Variants in TMEM181 observed in about 807,000 individuals in gnomAD.
The protein encoded by TMEM181 is transmembrane protein 181.
In TMEM181, 39 loss-of-function variants were observed where a neutral mutation model predicts 71.9. The ratio of observed to expected loss-of-function variants is 0.54; its 90% confidence interval spans 0.42 to 0.71. The LOEUF (loss-of-function observed/expected upper bound fraction) is 0.71. Among genes scored for constraint, TMEM181 ranks in the 30% least tolerant of loss-of-function variants. The probability of loss-of-function intolerance (pLI) is 0.00; values close to 1 mark genes in which losing one functional copy is unlikely to be tolerated. For missense variants in TMEM181, 595 were observed against 583.0 expected (o/e 1.02, Z -0.21); for synonymous variants, 245 against 228.8 (o/e 1.07, Z -0.64).
intron 1 of TMEM181, among the ~76,000 whole-genome samples, chr6:158,541,734 C>G (rs1446785857): frequency 6.6e-6 from 1 of 152,194 alleles, no homozygotes; most frequent in Non-Finnish European, 1.5e-5. Flanking sequence ...CCTGACGCAT[C>G]TGTACTGATT....
At chr6:158,613,329 T>C (rs777674619) in intron 10 of TMEM181, among the ~76,000 whole-genome samples, 1 of 152,250 alleles carries the variant, frequency 6.6e-6, no homozygotes, top group Non-Finnish European at 1.5e-5. Flanking sequence ...ATACTTGGCT[T>C]ATTTATTTGT....
chr6:158,596,542 C>T (rs946400219), intron 6 of TMEM181, among the ~76,000 whole-genome samples: 1 of 152,174 alleles, frequency 6.6e-6, no homozygotes, highest in African/African-American at 2.4e-5. Flanking sequence ...CCCCTGGTGC[C>T]ACTGTTTGTT....
At chr6:158,610,843 C>T (rs946424014) in intron 10 of TMEM181, 1 of 339,500 alleles carries the variant, frequency 2.9e-6, no homozygotes, top group South Asian at 3.2e-5. Flanking sequence ...GACATACTCA[C>T]ACCAAGGACT....
chr6:158,559,979 A>C (rs1782055950), upstream of TMEM181: 3 of 891,132 alleles, frequency 3.4e-6, no homozygotes, highest in Admixed American at 6.2e-5. Context: ...CGGGGCCACG[A>C]AGGAGGGCCA....
intron 10 of TMEM181, among the ~76,000 whole-genome samples, chr6:158,619,126 A>G (rs991997744): frequency 6.6e-6 from 1 of 152,238 alleles, no homozygotes; most frequent in Non-Finnish European, 1.5e-5. Context: ...ACTTTCAGAT[A>G]CAACAATCAA....
intron 6 of TMEM181, among the ~76,000 whole-genome samples, chr6:158,598,668 T>A (rs913622927): frequency 6.6e-6 from 1 of 151,660 alleles, no homozygotes; most frequent in Admixed American, 6.6e-5. Flanking sequence ...TTTTCATTTT[T>A]ATTTTATTTA....
chr6:158,625,933 A>G (rs1425344144), intron 13 of TMEM181, among the ~76,000 whole-genome samples, 179 bp downstream of exon 13: 1 of 152,210 alleles, frequency 6.6e-6, no homozygotes, highest in Non-Finnish European at 1.5e-5. Flanking sequence ...CCTGGAGAGC[A>G]TGTTTTTGTT....
chr6:158,568,211 G>A (rs1163800243), intron 1 of TMEM181, among the ~76,000 whole-genome samples: 1 of 152,186 alleles, frequency 6.6e-6, no homozygotes, highest in Non-Finnish European at 1.5e-5. Context: ...GTGGAGGCAG[G>A]AAGTGGGCAG....
At chr6:158,593,508 G>C (rs1784225205) in intron 6 of TMEM181, among the ~76,000 whole-genome samples, 1 of 152,240 alleles carries the variant, frequency 6.6e-6, no homozygotes, top group African/African-American at 2.4e-5. Context: ...CTGGGCATAT[G>C]CCAGTATCCA....
chr6:158,574,508 C>T (rs1033001506), intron 2 of TMEM181, among the ~76,000 whole-genome samples: 8 of 152,184 alleles, frequency 5.3e-5, no homozygotes, highest in African/African-American at 1.4e-4. Flanking sequence ...TCTCCAGTCT[C>T]AGTGGGACCT....
At chr6:158,542,727 C>T (rs1781398155) in intron 1 of TMEM181, among the ~76,000 whole-genome samples, 1 of 152,134 alleles carries the variant, frequency 6.6e-6, no homozygotes. Flanking sequence ...GCCTCAGCCT[C>T]CTGAGTAGCT....
intron 1 of TMEM181, among the ~76,000 whole-genome samples, chr6:158,554,943 C>A (rs558466765): frequency 6.6e-6 from 1 of 152,204 alleles, no homozygotes; most frequent in Non-Finnish European, 1.5e-5. Flanking sequence ...TTGGACAAAG[C>A]AGTTTGGTTT....
Position 158,625,725 on chromosome 6 carries a change from T to G in TMEM181, c.1080T>G (p.Thr360=). Residue 360 remains threonine (T), a synonymous_variant, in exon 13 of 17, where the codon ACT becomes ACG. Transcript: ENST00000684151. ...CAGATCTCAGGTTGAAATTTTTGAC[T>G]GCATTGACTTTCGTAGTACTTGTCA... is the stretch of plus-strand genomic sequence containing the variant. ...PYVDLRLKFL[T]ALTFVVLVIS... 6.2e-7 allele frequency: 1 copy of G among 1,610,884 alleles called. No individual in the cohort carries two copies. Among genetic ancestry groups the G allele is most frequent in the East Asian group, 2.2e-5 (1 of 44,888 alleles).
At chr6:158,626,858 C>T (rs1786307707) in intron 13 of TMEM181, among the ~76,000 whole-genome samples, 2 of 147,846 alleles carry the variant, frequency 1.4e-5, no homozygotes, top group African/African-American at 2.5e-5. Flanking sequence ...TTTCACACAT[C>T]CTCACACCCT....
In TMEM181 at chr6:158,620,643, A is replaced by G. The variant is rs774956695; in HGVS notation, c.897-2907A>G. Among the ~76,000 whole-genome samples, 9 of 151,958 alleles carry G rather than the reference A, an allele frequency of 5.9e-5. No individual in the cohort carries two copies. The highest frequency in any genetic ancestry group is 3.2e-3 in the Middle Eastern group (1 of 316). ...GGAGTAGCCCCCGCCCGAGCCTCGC[A>G]GTCCCCTTCAGATTAGTTGTCCTCG... On this transcript the variant is annotated intron_variant, in intron 10 of 16. Coordinates refer to ENST00000684151, the MANE Select transcript of TMEM181 (RefSeq NM_001376852.1). The surrounding 1 kb of genome is among the most constrained non-coding windows in gnomAD (Gnocchi z 4.5).
At chr6:158,627,374 TTC>T (rs962631409) in intron 13 of TMEM181, among the ~76,000 whole-genome samples, 2 of 152,240 alleles carry the variant, frequency 1.3e-5, no homozygotes, top group Non-Finnish European at 2.9e-5. Flanking sequence ...GCAGACAGGC[TTC>T]TCTCTGTCAC....
intron 6 of TMEM181, among the ~76,000 whole-genome samples, chr6:158,602,103 C>T (rs1186613501): frequency 2.6e-5 from 4 of 152,310 alleles, no homozygotes; most frequent in African/African-American, 4.8e-5. Flanking sequence ...TTTCCCATCC[C>T]TGGGAAGTCA....
At chr6:158,591,078 C>T (rs889390358) in intron 6 of TMEM181, among the ~76,000 whole-genome samples, 1 of 152,194 alleles carries the variant, frequency 6.6e-6, no homozygotes, top group Non-Finnish European at 1.5e-5. Context: ...TATTGCTAGA[C>T]CACATTTTGT....
At position 158,620,670 on chromosome 6, in the gene TMEM181, A is replaced by G. The variant is rs35345007; in HGVS notation, c.897-2880A>G. ...TCCCCTTCAGATTAGTTGTCCTCGCACAAATTGCTGGAAGAGTGAAGTGAG... is the reference window on the plus strand; with the variant it reads ...TCCCCTTCAGATTAGTTGTCCTCGCGCAAATTGCTGGAAGAGTGAAGTGAG... On this transcript the variant is annotated intron_variant, in intron 10 of 16. Coordinates refer to ENST00000684151, the MANE Select transcript of TMEM181 (RefSeq NM_001376852.1). This position sits in a 1 kb window ranked among gnomAD's most constrained non-coding sequence, Gnocchi z 4.5. Among the ~76,000 whole-genome samples, 3 of 151,762 alleles carry G rather than the reference A, an allele frequency of 2.0e-5. No individual in the cohort carries two copies. Among genetic ancestry groups the G allele is most frequent in the Non-Finnish European group, 4.4e-5 (3 of 67,946 alleles).
Sources: gnomAD v4.1 joint callset for allele counts (sites outside exome capture counted in the v4.1 genomes callset) on GRCh38, gnomAD v4.1.1 for gene constraint, Gnocchi (gnomAD v3.1) non-coding constraint, MANE v1.5 for transcripts, NCBI Gene and HGNC (gene_info 2026-07-23, HGNC 2026-07-21) for gene names.